The following CYTH4 variants were observed in gnomAD, a reference collection of about 807,000 sequenced individuals.
CYTH4 encodes the protein cytohesin-4.
In CYTH4, 22 loss-of-function variants were observed where a neutral mutation model predicts 57.5. The ratio of observed to expected loss-of-function variants is 0.38; its 90% CI spans 0.27 to 0.55. The LOEUF (loss-of-function observed/expected upper bound fraction) is 0.55, where lower values mean the gene tolerates loss of function less well. CYTH4 is among the 20% of genes least tolerant of loss of function. CYTH4 has a pLI of 0.74. For synonymous variants in CYTH4, 186 were observed against 206.5 expected, an observed-to-expected ratio of 0.90 and a Z score of 0.85; for missense variants, 420 against 535.6, an observed-to-expected ratio of 0.78 and a Z score of 2.13.
At position 37,311,092 on chromosome 22, in the gene CYTH4, CT is replaced by C; in HGVS notation, c.885+29del. ...GAGCAGGGTTCTCCTGGGCCTTCCC[CT>C]GCCCCCGCCTCTCCCCGCACAACCC... On this transcript the variant is annotated intron_variant, in intron 10 of 12. Transcript: ENST00000248901. The surrounding 1 kb of genome is among the most constrained non-coding windows in gnomAD (Gnocchi z 4.4). The C allele has an allele frequency of 5.6e-6, 9 of 1,610,222 alleles. No homozygotes were observed. In the African/African-American group the frequency reaches 1.2e-4, roughly 21 times the overall value.
chr22:37,303,886 C>T (rs1929291232), intron 8 of CYTH4, among the ~76,000 whole-genome samples: 1 of 152,226 alleles, frequency 6.6e-6, no homozygotes, highest in Admixed American at 6.5e-5. Context: ...GTCGCTTCCT[C>T]AAATAGCCTG....
chr22:37,305,510 G>A (rs961930349), intron 8 of CYTH4, among the ~76,000 whole-genome samples: 20 of 152,190 alleles, frequency 1.3e-4, no homozygotes, highest in African/African-American at 4.8e-4. Context: ...TAGGATTAGT[G>A]CAGAAGTGTA....
chr22:37,295,911 G>T lies in CYTH4; in HGVS notation c.168-88G>T. 7.1e-7 allele frequency: 1 copy of T among 1,408,836 alleles called. No homozygotes were observed. The highest frequency in any genetic ancestry group is 1.2e-5 in the South Asian group (1 of 81,760). 87.3% of individuals were successfully genotyped at this position (1,408,836 alleles called of 1,614,324 possible). On this transcript the variant is annotated intron_variant, in intron 3 of 12. Coordinates refer to ENST00000248901, the MANE Select transcript of CYTH4 (RefSeq NM_013385.5). This position sits in a 1 kb window ranked among gnomAD's most constrained non-coding sequence, Gnocchi z 4.1. ...ACTTGGAGGGCCCTAGAGGGGTATG[G>T]GCTCCTGCTGAGGCAAGGGTCCTTG...
chr22:37,303,381 C>G lies in CYTH4; in HGVS notation c.675C>G (p.Asp225Glu). The G allele has an allele frequency of 2.5e-6, 4 of 1,613,932 alleles. No individual in the cohort carries two copies. The highest frequency in any genetic ancestry group is 3.4e-6 in the Non-Finnish European group (4 of 1,179,940). The change falls in exon 8 of 13, where the codon GAC becomes GAG. Residue 225 changes from aspartate to glutamate, a missense_variant. Coordinates refer to ENST00000248901, the MANE Select transcript of CYTH4 (RefSeq NM_013385.5). ...SMNRGINNGS[D>E]LPEDQLRNLF... ...ACCGCGGCATCAACAATGGTAGCGA[C>G]CTGCCCGAGGACCAGCTGCGGGTGA...
chr22:37,313,362 CCT>C (rs1483328549), intron 12 of CYTH4, 75 bp from the exon 13 acceptor site: 12 of 1,433,282 alleles, frequency 8.4e-6, no homozygotes, highest in Non-Finnish European at 1.1e-5. Flanking sequence ...ATCCCATGCC[CCT>C]GATACAAGCC....
Position 37,313,634 on chromosome 22 carries a change from T to C in CYTH4, c.*123T>C, listed in dbSNP as rs1236073252. The C allele has an allele frequency of 2.3e-6, 2 of 886,130 alleles. No homozygotes were observed. The highest frequency in any genetic ancestry group is 1.8e-6 in the Non-Finnish European group (1 of 556,294). The allele number at this position is 886,130 out of a possible 1,614,324, so 54.9% of individuals were successfully genotyped here. On this transcript the variant is annotated 3_prime_UTR_variant, in exon 13 of 13. Transcript: ENST00000248901. Reference sequence around the variant, plus strand: ...CACAGACATCATTGCTGTTCCCCGTTACCTCGAGCTGACTCTAGAGGGGAA... The same window carrying C: ...CACAGACATCATTGCTGTTCCCCGTCACCTCGAGCTGACTCTAGAGGGGAA...
rs201577262 is a variant in CYTH4 at position 37,282,547 on chromosome 22, A to G, written c.-23A>G. 149 of 1,613,836 alleles carry G rather than the reference A, an allele frequency of 9.2e-5. No individual in the cohort carries two copies. Among genetic ancestry groups the G allele is most frequent in the Non-Finnish European group, 6.1e-5 (72 of 1,179,900 alleles). Reference sequence around the variant, plus strand: ...TCGGCAAGCGACAGGAGCACGGGTCATCTTTTCCCCAGAGGCGTCGGAATG... The same window carrying G: ...TCGGCAAGCGACAGGAGCACGGGTCGTCTTTTCCCCAGAGGCGTCGGAATG... On this transcript the variant is annotated 5_prime_UTR_variant, in exon 1 of 13. Coordinates refer to ENST00000248901, the MANE Select transcript of CYTH4 (RefSeq NM_013385.5).
At chr22:37,285,425 G>A (rs751840623) in intron 1 of CYTH4, among the ~76,000 whole-genome samples, 12 of 152,102 alleles carry the variant, frequency 7.9e-5, no homozygotes, top group South Asian at 2.1e-4. Context: ...TCATCTCCTG[G>A]CCAGGCATGG....
At chr22:37,283,673 C>T (rs998500176) in intron 1 of CYTH4, among the ~76,000 whole-genome samples, 1 of 152,172 alleles carries the variant, frequency 6.6e-6, no homozygotes, top group South Asian at 2.1e-4. Context: ...GGGAGGAAAA[C>T]AGCCTCTCTA....
intron 8 of CYTH4, among the ~76,000 whole-genome samples, chr22:37,303,985 G>A (rs1460732739): frequency 2.0e-5 from 3 of 152,190 alleles, no homozygotes; most frequent in Non-Finnish European, 4.4e-5. Context: ...CCAAGTTCAG[G>A]GTCTGGTGGG....
chr22:37,305,385 C>T (rs1929357383), intron 8 of CYTH4, among the ~76,000 whole-genome samples: 1 of 152,162 alleles, frequency 6.6e-6, no homozygotes, highest in Non-Finnish European at 1.5e-5. Flanking sequence ...GAGGCAGACA[C>T]AGACTAAGGG....
At chr22:37,300,617 T>TC (rs1258668518) in intron 6 of CYTH4, among the ~76,000 whole-genome samples, 1 of 152,074 alleles carries the variant, frequency 6.6e-6, no homozygotes, top group African/African-American at 2.4e-5. Context: ...GCAGAGGCCG[T>TC]CCCCCTTCCC....
Position 37,313,666 on chromosome 22 carries a change from G to C in CYTH4, c.*155G>C. The C allele has an allele frequency of 4.2e-6, 3 of 712,810 alleles. No individual in the cohort carries two copies. Among genetic ancestry groups the C allele is most frequent in the Non-Finnish European group, 7.1e-6 (3 of 423,358 alleles). The allele number at this position is 712,810 out of a possible 1,614,324, so 44.2% of individuals were successfully genotyped here. ...AGCTGACTCTAGAGGGGAAGGCAGA[G>C]CTCAGGAGGGTGGGTGGGAGCTGCA... On this transcript the variant is annotated 3_prime_UTR_variant, in exon 13 of 13. Coordinates refer to ENST00000248901, the MANE Select transcript of CYTH4 (RefSeq NM_013385.5).
intron 7 of CYTH4, among the ~76,000 whole-genome samples, chr22:37,302,627 G>A (rs1601706262): frequency 6.6e-6 from 1 of 152,176 alleles, no homozygotes; most frequent in Non-Finnish European, 1.5e-5. Context: ...TACTTCCCAA[G>A]GTCAACCAGA....
At position 37,311,192 on chromosome 22, in the gene CYTH4, C is replaced by G. The variant is rs528187155; in HGVS notation, c.885+128C>G. 2.5e-4 allele frequency: 278 copies of G among 1,102,250 alleles called. No homozygotes were observed. In the African/African-American group the frequency reaches 4.0e-3, roughly 16 times the overall value. 68.3% of individuals were successfully genotyped at this position (1,102,250 alleles called of 1,614,324 possible). Reference sequence around the variant, plus strand: ...TGAGATCATTCAGTCCCCCTCCATGCCCATTTTACAGATGGGGAAAACGGG... The same window carrying G: ...TGAGATCATTCAGTCCCCCTCCATGGCCATTTTACAGATGGGGAAAACGGG... On this transcript the variant is annotated intron_variant, in intron 10 of 12. Transcript: ENST00000248901. This position sits in a 1 kb window ranked among gnomAD's most constrained non-coding sequence, Gnocchi z 4.4.
intron 8 of CYTH4, among the ~76,000 whole-genome samples, chr22:37,308,067 C>T (rs1177133089): frequency 6.6e-6 from 1 of 152,242 alleles, no homozygotes; most frequent in Non-Finnish European, 1.5e-5. Context: ...CCGGCCCATC[C>T]AGCATAGGTC....
chr22:37,288,179 C>T (rs1401429061), intron 1 of CYTH4, among the ~76,000 whole-genome samples: 2 of 152,074 alleles, frequency 1.3e-5, no homozygotes, highest in African/African-American at 4.8e-5. Context: ...CTTTGGGAGG[C>T]CAAAGTGGGC....
Position 37,312,132 on chromosome 22 carries a change from C to A in CYTH4, c.1070C>A (p.Ala357Asp), listed in dbSNP as rs1299806598. The change falls in exon 12 of 13, where the codon GCC becomes GAC. Residue 357 changes from alanine (A) to aspartate (D), a missense_variant. By Grantham distance (126) the Ala-to-Asp change is moderately radical. Coordinates refer to ENST00000248901, the MANE Select transcript of CYTH4 (RefSeq NM_013385.5). ...AAGCACGAATCGTACCGCATCTCAG[C>A]CACCAGTGCCGAGGAACGTGACCAG... Reference protein sequence around the residue: ...EGKHESYRISATSAEERDQWI... With the variant: ...EGKHESYRISDTSAEERDQWI... 6.2e-7 allele frequency: 1 copy of A among 1,614,254 alleles called. No individual in the cohort carries two copies. Among genetic ancestry groups the A allele is most frequent in the Admixed American group, 1.7e-5 (1 of 60,032 alleles).
chr22:37,306,154 T>TAGGAGAGGAAACACCC (rs1423455945), intron 8 of CYTH4, among the ~76,000 whole-genome samples: 10 of 152,004 alleles, frequency 6.6e-5, no homozygotes, highest in Non-Finnish European at 1.5e-4. Flanking sequence ...TGAGAAAAGC[T>TAGGAGAGGAAACACCC]AGGAGAGGAA....
Sources: gnomAD v4.1 joint callset for allele counts (sites outside exome capture counted in the v4.1 genomes callset) on GRCh38, gnomAD v4.1.1 for gene constraint, Gnocchi (gnomAD v3.1) non-coding constraint, MANE v1.5 for transcripts, NCBI Gene and HGNC (gene_info 2026-07-23, HGNC 2026-07-21) for gene names.